Variants in TRAPPC3 observed in about 807,000 individuals in gnomAD.
TRAPPC3 encodes trafficking protein particle complex subunit 3, also known as trafficking protein particle complex 3.
In TRAPPC3, 5 loss-of-function variants were observed where a neutral mutation model predicts 18.2. That is an observed-to-expected ratio of 0.28 (90% CI 0.14 to 0.58). TRAPPC3 has a LOEUF of 0.58. Ranked by LOEUF, TRAPPC3 falls within the 20% of genes least tolerant of loss-of-function variation. TRAPPC3 has a pLI of 0.91. For synonymous variants in TRAPPC3, 65 were observed against 84.2 expected (o/e 0.77, Z 1.25); for missense variants, 176 against 225.9 (o/e 0.78, Z 1.41).
exon 1 of TRAPPC3, chr1:36,155,946 G>T: frequency 1.3e-5 from 2 of 153,900 alleles, no homozygotes; most frequent in South Asian, 3.7e-4. Context: ...CTAGCGCGGC[G>T]AACTCCTGGA....
intron 1 of TRAPPC3, among the ~76,000 whole-genome samples, chr1:36,143,422 G>A (rs1644145526): frequency 6.6e-6 from 1 of 152,212 alleles, no homozygotes; most frequent in Admixed American, 6.5e-5. Context: ...AACAGCGGGA[G>A]ACTCTTGGCC....
chr1:36,148,586 G>A (rs1360707553), intron 1 of TRAPPC3, among the ~76,000 whole-genome samples: 1 of 148,250 alleles, frequency 6.7e-6, no homozygotes, highest in Non-Finnish European at 1.5e-5. Context: ...CAGAGATTTC[G>A]TCTGGGGGCG....
At chr1:36,151,304 C>T (rs2124180052), upstream of TRAPPC3, among the ~76,000 whole-genome samples, 1 of 152,310 alleles carries the variant, frequency 6.6e-6, no homozygotes, top group South Asian at 2.1e-4. Flanking sequence ...AGGAGGAACA[C>T]TTTAGCCCAG....
Position 36,139,760 on chromosome 1 carries a change from C to G in TRAPPC3, c.200G>C (p.Arg67Thr). 8.1e-6 allele frequency: 13 copies of G among 1,614,096 alleles called. No individual in the cohort carries two copies. Among genetic ancestry groups the G allele is most frequent in the Non-Finnish European group, 1.1e-5 (13 of 1,180,022 alleles). The change falls in exon 3 of 5, where the codon AGG (arginine) becomes ACG (threonine). Residue 67 changes from arginine to threonine, a missense_variant. Coordinates refer to ENST00000373166, the MANE Select transcript of TRAPPC3 (RefSeq NM_014408.5). ...EDFLARSNVGRCHDFRETADV... is the reference protein window; with the variant it reads ...EDFLARSNVGTCHDFRETADV... ...CGCAGTTTCCCGAAAGTCATGGCAC[C>G]TCCCAACATTTGACCGAGCCAAGAA...
intron 1 of TRAPPC3, among the ~76,000 whole-genome samples, chr1:36,145,461 C>A (rs1394665287): frequency 1.3e-5 from 2 of 152,188 alleles, no homozygotes; most frequent in South Asian, 2.1e-4. Context: ...CTCTCTTACC[C>A]TCCAGCCTTT....
chr1:36,142,006 C>CTAATTATT (rs1315364874), intron 1 of TRAPPC3, among the ~76,000 whole-genome samples: 1 of 144,984 alleles, frequency 6.9e-6, no homozygotes, highest in Non-Finnish European at 1.5e-5. Context: ...GGACAAACAG[C>CTAATTATT]TAATTATTGA....
upstream of TRAPPC3, among the ~76,000 whole-genome samples, chr1:36,152,229 A>T (rs531344372): frequency 2.0e-5 from 3 of 151,876 alleles, no homozygotes; most frequent in South Asian, 6.2e-4. Context: ...CCACCAAACT[A>T]GGAGGCTGAA....
upstream of TRAPPC3, among the ~76,000 whole-genome samples, chr1:36,152,343 C>T (rs1211474351): frequency 6.0e-5 from 9 of 149,100 alleles, no homozygotes; most frequent in Admixed American, 2.0e-4. Flanking sequence ...AGTCTTGCTC[C>T]GTCGCCCAGG....
chr1:36,145,258 C>T (rs781417168), intron 1 of TRAPPC3, among the ~76,000 whole-genome samples: 3 of 151,720 alleles, frequency 2.0e-5, no homozygotes, highest in East Asian at 1.9e-4. Context: ...CTCCATCTCC[C>T]GACCCTGTGA....
rs1174749360 is a variant in TRAPPC3, at chr1:36,149,427, A to G, written c.-49T>C. ...CGCCTAGCCACGGGTTAGCTCGGCG[A>G]CCCCTGCAGACGCCGGAGCCTAAGC... is the stretch of plus-strand genomic sequence containing the variant. On this transcript the variant is annotated 5_prime_UTR_variant, in exon 1 of 5. Transcript: ENST00000373166. 1.2e-6 allele frequency: 2 copies of G among 1,600,158 alleles called. No homozygotes were observed. Among genetic ancestry groups the G allele is most frequent in the East Asian group, 4.5e-5 (2 of 44,532 alleles).
chr1:36,137,639 T>C lies in TRAPPC3; in HGVS notation c.423+157A>G, dbSNP rs1004865532. On this transcript the variant is annotated intron_variant, in intron 4 of 4. Transcript: ENST00000373166. The stretch of plus-strand genomic sequence containing the variant: ...ATGGAGGAGTATCACCATGTAAAGA[T>C]GTCCGACTTGGATCCTACCTCAGCA... 14 of 791,550 alleles carry C rather than the reference T, an allele frequency of 1.8e-5. No individual in the cohort carries two copies. In the African/African-American group the frequency reaches 2.1e-4, roughly 12 times the overall value. The allele number at this position is 791,550 out of a possible 1,614,324, so 49.0% of individuals were successfully genotyped here.
At chr1:36,145,168 C>T (rs1002637373) in intron 1 of TRAPPC3, among the ~76,000 whole-genome samples, 3 of 151,752 alleles carry the variant, frequency 2.0e-5, no homozygotes, top group African/African-American at 7.3e-5. Context: ...ACTACAGGCG[C>T]CCGCCACCAC....
At chr1:36,146,766 T>C (rs2124168455) in intron 1 of TRAPPC3, among the ~76,000 whole-genome samples, 1 of 152,224 alleles carries the variant, frequency 6.6e-6, no homozygotes, top group South Asian at 2.1e-4. Flanking sequence ...AGATACACAG[T>C]ATATATGGTA....
intron 3 of TRAPPC3, among the ~76,000 whole-genome samples, chr1:36,138,910 C>A (rs1644064513): frequency 1.3e-5 from 2 of 151,534 alleles, no homozygotes; most frequent in Admixed American, 1.3e-4. Context: ...GTGGTGCATG[C>A]CTGTAATCGC....
chr1:36,140,211 A>G (rs1460781518), intron 1 of TRAPPC3, 45 bp from the exon 2 acceptor site: 4 of 1,317,096 alleles, frequency 3.0e-6, no homozygotes, highest in Non-Finnish European at 4.1e-6. Flanking sequence ...AGCACAAAAG[A>G]GAAAGCGTGG....
chr1:36,150,614 A>C (rs1160744862), upstream of TRAPPC3, among the ~76,000 whole-genome samples: 1 of 152,218 alleles, frequency 6.6e-6, no homozygotes, highest in South Asian at 2.1e-4. Context: ...CTGAGGCTGC[A>C]AGCTGGTGCC....
intron 4 of TRAPPC3, 88 bp from the exon 5 acceptor site, chr1:36,137,410 C>T (rs1410008745): frequency 7.2e-7 from 1 of 1,398,406 alleles, no homozygotes; most frequent in Non-Finnish European, 9.8e-7. Context: ...GACTCATCCA[C>T]AGCATCCAAA....
chr1:36,142,107 C>T (rs1644126091), intron 1 of TRAPPC3, among the ~76,000 whole-genome samples: 1 of 151,796 alleles, frequency 6.6e-6, no homozygotes, highest in Non-Finnish European at 1.5e-5. Flanking sequence ...ATTAATAAGC[C>T]CTCCTCAATA....
At chr1:36,140,499 C>T (rs191970927) in intron 1 of TRAPPC3, 20 of 223,252 alleles carry the variant, frequency 9.0e-5, no homozygotes, top group African/African-American at 3.8e-4. Flanking sequence ...ATGGGAGCAA[C>T]GGTCATTCAC....
Sources: allele counts gnomAD v4.1 joint callset (sites outside exome capture counted in the v4.1 genomes callset), GRCh38; gene constraint gnomAD v4.1.1; transcripts MANE v1.5; gene names NCBI Gene and HGNC (gene_info 2026-07-23, HGNC 2026-07-21).